ADAMTSL1: variants seen among roughly 807,000 people sequenced by gnomAD.
ADAMTSL1 encodes the protein ADAMTS-like protein 1.
ADAMTSL1 carries 126 observed loss-of-function variants against 201.8 expected under a neutral mutation model. That is an observed-to-expected ratio of 0.62 (90% CI 0.54 to 0.72). The LOEUF is 0.72. Among genes scored for constraint, ADAMTSL1 ranks in the 30% least tolerant of loss-of-function variants. ADAMTSL1 has a pLI of 0.00. For missense variants in ADAMTSL1, 2,679 were observed against 2,277.8 expected (o/e 1.18, Z -3.59); for synonymous variants, 1,121 against 903.4 (o/e 1.24, Z -4.32).
chr9:18,439,028 CA>C (rs1446539784), intron 2 of ADAMTSL1, among the ~76,000 whole-genome samples: 3 of 147,666 alleles, frequency 2.0e-5, no homozygotes, highest in African/African-American at 7.5e-5. Flanking sequence ...CTTTTATTTT[CA>C]AAGTATCCAT....
chr9:18,246,701 A>G (rs2132472290), intron 2 of ADAMTSL1, among the ~76,000 whole-genome samples: 1 of 152,354 alleles, frequency 6.6e-6, no homozygotes, highest in East Asian at 1.9e-4. Context: ...CATATCTGAG[A>G]TAATACTCTT....
At chr9:18,295,402 G>A (rs1833438712) in intron 2 of ADAMTSL1, among the ~76,000 whole-genome samples, 2 of 151,520 alleles carry the variant, frequency 1.3e-5, no homozygotes, top group African/African-American at 2.4e-5. Flanking sequence ...GCAGTGGCGC[G>A]ATCTTGGCTC....
intron 2 of ADAMTSL1, among the ~76,000 whole-genome samples, chr9:18,299,468 C>G (rs1360824849): frequency 2.6e-5 from 4 of 152,172 alleles, no homozygotes; most frequent in Non-Finnish European, 4.4e-5. Context: ...CATTAGCAAT[C>G]TTTATTATTG....
intron 20 of ADAMTSL1, among the ~76,000 whole-genome samples, chr9:18,810,031 C>T (rs2148847): frequency 0.59 from 90,197 of 151,872 alleles, 27,414 homozygotes; most frequent in African/African-American, 0.72. Flanking sequence ...TGGTGAGATG[C>T]AGGGGTAGAT....
At chr9:18,188,310 G>A (rs1252949266) in intron 2 of ADAMTSL1, among the ~76,000 whole-genome samples, 2 of 152,092 alleles carry the variant, frequency 1.3e-5, no homozygotes, top group Non-Finnish European at 2.9e-5. Flanking sequence ...GAATTAGTTG[G>A]CACTGGCATT....
intron 1 of ADAMTSL1, among the ~76,000 whole-genome samples, chr9:18,024,144 AT>A (rs1449258541): frequency 1.3e-5 from 2 of 152,048 alleles, no homozygotes; most frequent in African/African-American, 4.8e-5. Context: ...GTAAAAATGG[AT>A]TGATATCTTT....
intron 2 of ADAMTSL1, among the ~76,000 whole-genome samples, chr9:18,506,479 G>C (rs575614557): frequency 2.0e-5 from 3 of 152,318 alleles, no homozygotes; most frequent in Non-Finnish European, 2.9e-5. Context: ...GTGTATGTCA[G>C]CTTGAGGTAG....
chr9:18,470,587 C>T (rs1214502952), upstream of ADAMTSL1, among the ~76,000 whole-genome samples: 1 of 152,084 alleles, frequency 6.6e-6, no homozygotes, highest in African/African-American at 2.4e-5. Context: ...CCTGTGTCCC[C>T]TATACACTGG....
intron 21 of ADAMTSL1, among the ~76,000 whole-genome samples, chr9:18,818,501 C>G (rs778746150): frequency 6.6e-6 from 1 of 152,170 alleles, no homozygotes; most frequent in South Asian, 2.1e-4. Context: ...TTTAGGCTAT[C>G]TGAAATATGG....
chr9:18,235,391 G>A (rs1327892190), intron 2 of ADAMTSL1, among the ~76,000 whole-genome samples: 1 of 152,168 alleles, frequency 6.6e-6, no homozygotes, highest in African/African-American at 2.4e-5. Flanking sequence ...CATAGATGAT[G>A]TCAAGCTTCA....
At chr9:18,832,314 C>T (rs1024718891) in intron 23 of ADAMTSL1, among the ~76,000 whole-genome samples, 5 of 152,130 alleles carry the variant, frequency 3.3e-5, no homozygotes, top group Non-Finnish European at 5.9e-5. Context: ...ACAGTGTGCG[C>T]TCTGGGTATG....
At chr9:18,310,399 A>AAAAAAAAAAAAAAAAAAAAAAAAAAC (rs1440483712) in intron 2 of ADAMTSL1, among the ~76,000 whole-genome samples, 3 of 127,324 alleles carry the variant, frequency 2.4e-5, no homozygotes, top group Non-Finnish European at 5.1e-5. Flanking sequence ...AAAAAAAAAA[A>AAAAAAAAAAAAAAAAAAAAAAAAAAC]CTATCTTCAG....
In ADAMTSL1 at chr9:17,963,961, A is replaced by G. The variant is rs1265132258; in HGVS notation, c.87+57039A>G. Among the ~76,000 whole-genome samples, 6 of 152,118 alleles carry G rather than the reference A, an allele frequency of 3.9e-5. No homozygotes were observed. In the East Asian group the frequency reaches 1.2e-3, roughly 29 times the overall value. ...TTAGCTGTGCCTTTAACATGCTCAT[A>G]GATTTATGTCTCTCAAATTATTATT... is the stretch of plus-strand genomic sequence containing the variant. On this transcript the variant is annotated intron_variant, in intron 1 of 29. Coordinates refer to the ADAMTSL1 transcript ENST00000680146.
chr9:18,191,779 C>A (rs879647361), intron 2 of ADAMTSL1, among the ~76,000 whole-genome samples: 1 of 152,134 alleles, frequency 6.6e-6, no homozygotes, highest in South Asian at 2.1e-4. Context: ...GCTTATTATT[C>A]CAGTGACTTG....
At position 17,988,127 on chromosome 9, in the gene ADAMTSL1, G is replaced by A. The variant is rs1818999345; in HGVS notation, c.87+81205G>A. 1.3e-5 allele frequency among the ~76,000 whole-genome samples: 2 copies of A among 152,044 alleles called. 1 individual carries two copies. Among genetic ancestry groups the A allele is most frequent in the South Asian group, 4.1e-4 (2 of 4,828 alleles). ...GTGTTTCATCTTGGAAACCATGTGT[G>A]GTTGTAACTGGGAGTTGGCAGGTGC... On this transcript the variant is annotated intron_variant, in intron 1 of 29. Coordinates refer to the ADAMTSL1 transcript ENST00000680146.
At chr9:18,260,262 C>G (rs1250485218) in intron 2 of ADAMTSL1, among the ~76,000 whole-genome samples, 2 of 152,246 alleles carry the variant, frequency 1.3e-5, no homozygotes, top group Non-Finnish European at 2.9e-5. Context: ...TACTTTCACA[C>G]AGCTCAGAGC....
rs1263592401 is a variant in ADAMTSL1 at position 18,223,721 on chromosome 9, A to G, written c.207+59740A>G. Among the ~76,000 whole-genome samples the G allele has an allele frequency of 4.6e-5, 7 of 152,076 alleles. 1 individual carries two copies. The stretch of plus-strand genomic sequence containing the variant: ...TTTATGTATTGTACCTGAAAATTCT[A>G]GTATATGCAATGTATCTATCTTTAA... On this transcript the variant is annotated intron_variant, in intron 2 of 29. Coordinates refer to the ADAMTSL1 transcript ENST00000680146.
intron 7 of ADAMTSL1, among the ~76,000 whole-genome samples, chr9:18,648,587 T>C (rs1827978407): frequency 6.6e-6 from 1 of 151,510 alleles, no homozygotes; most frequent in Non-Finnish European, 1.5e-5. Flanking sequence ...GGCCTGGTGG[T>C]GACAAAATCT....
At chr9:18,577,347 G>A (rs569430874) in intron 4 of ADAMTSL1, among the ~76,000 whole-genome samples, 2 of 152,140 alleles carry the variant, frequency 1.3e-5, no homozygotes, top group Non-Finnish European at 1.5e-5. Flanking sequence ...TTAGCCAGGC[G>A]TGATGGCAGG....
Sources: gnomAD v4.1 joint callset for allele counts (sites outside exome capture counted in the v4.1 genomes callset) on GRCh38, gnomAD v4.1.1 for gene constraint, MANE v1.5 for transcripts, NCBI Gene and HGNC (gene_info 2026-07-23, HGNC 2026-07-21) for gene names.